Variants in DPP10 observed in about 807,000 individuals in gnomAD.
DPP10 encodes the protein inactive dipeptidyl peptidase 10.
A neutral mutation model predicts 120.9 loss-of-function variants in DPP10; 33 were observed. The observed-to-expected ratio is 0.27, with a 90% confidence interval of 0.21 to 0.37. The LOEUF (loss-of-function observed/expected upper bound fraction) is 0.37. DPP10 is among the 10% of genes least tolerant of loss of function. DPP10 has a pLI of 1.00. For synonymous variants in DPP10, 337 were observed against 326.1 expected, an observed-to-expected ratio of 1.03 and a Z score of -0.36; for missense variants, 816 against 942.8, an observed-to-expected ratio of 0.87 and a Z score of 1.76.
At chr2:114,788,350 A>G (rs990195346) in intron 1 of DPP10, among the ~76,000 whole-genome samples, 2 of 152,132 alleles carry the variant, frequency 1.3e-5, no homozygotes, top group Non-Finnish European at 2.9e-5. Flanking sequence ...CTTGCACACT[A>G]GCCTAGTAAT....
intron 1 of DPP10, among the ~76,000 whole-genome samples, chr2:114,622,500 C>G (rs563950356): frequency 6.6e-6 from 1 of 151,930 alleles, no homozygotes; most frequent in East Asian, 1.9e-4. Context: ...GCACAGAATC[C>G]GTTGCTTTTT....
chr2:114,738,225 G>C (rs986554012), intron 1 of DPP10, among the ~76,000 whole-genome samples: 2 of 152,182 alleles, frequency 1.3e-5, no homozygotes, highest in African/African-American at 2.4e-5. Context: ...AGTTGGACCT[G>C]AGATTTGAGT....
chr2:115,041,495 A>C (rs1704641860), intron 1 of DPP10, among the ~76,000 whole-genome samples: 1 of 152,332 alleles, frequency 6.6e-6, no homozygotes, highest in South Asian at 2.1e-4. Context: ...AGCATAAAGC[A>C]GAGATCTCCA....
intron 1 of DPP10, among the ~76,000 whole-genome samples, chr2:114,480,022 A>AAAC (rs1680877508): frequency 6.6e-6 from 1 of 152,164 alleles, no homozygotes; most frequent in Non-Finnish European, 1.5e-5. Context: ...TTACAAGAAA[A>AAAC]AAACAACTCC....
chr2:115,013,199 A>T (rs1385310459), intron 1 of DPP10, among the ~76,000 whole-genome samples: 1 of 152,130 alleles, frequency 6.6e-6, no homozygotes, highest in African/African-American at 2.4e-5. Flanking sequence ...GGTGGTGACA[A>T]AATCTCTCAC....
At chr2:115,088,100 G>A (rs1708877883) in intron 1 of DPP10, among the ~76,000 whole-genome samples, 1 of 152,136 alleles carries the variant, frequency 6.6e-6, no homozygotes, top group Admixed American at 6.5e-5. Flanking sequence ...CTCACACGGT[G>A]GAAGGAGAGA....
intron 3 of DPP10, among the ~76,000 whole-genome samples, chr2:115,496,941 A>G (rs2076427945): frequency 6.6e-6 from 1 of 152,150 alleles, no homozygotes; most frequent in East Asian, 1.9e-4. Context: ...GGATGCAATT[A>G]TAAAAGTGTG....
chr2:115,249,116 A>G (rs893646610), intron 1 of DPP10, among the ~76,000 whole-genome samples: 2 of 152,114 alleles, frequency 1.3e-5, no homozygotes, highest in Admixed American at 1.3e-4. Flanking sequence ...TTTTCAGAGA[A>G]TAGATAGCTT....
At chr2:114,799,731 A>T (rs925492140) in intron 1 of DPP10, among the ~76,000 whole-genome samples, 1 of 152,200 alleles carries the variant, frequency 6.6e-6, no homozygotes, top group Non-Finnish European at 1.5e-5. Context: ...GGCCCTACTC[A>T]CTTTGAGTTG....
chr2:115,291,658 T>A (rs1400985395), intron 1 of DPP10, among the ~76,000 whole-genome samples: 1 of 152,138 alleles, frequency 6.6e-6, no homozygotes, highest in Non-Finnish European at 1.5e-5. Flanking sequence ...CTAAGCCCAT[T>A]TATCACTAAG....
intron 5 of DPP10, among the ~76,000 whole-genome samples, chr2:115,578,718 A>G (rs562002356): frequency 6.6e-6 from 1 of 152,342 alleles, no homozygotes; most frequent in South Asian, 2.1e-4. Flanking sequence ...TGATTTGGAG[A>G]GAAATCTCCC....
intron 1 of DPP10, among the ~76,000 whole-genome samples, chr2:115,007,487 A>C (rs867457024): frequency 0.017 from 2,539 of 151,744 alleles, 65 homozygotes; most frequent in African/African-American, 0.059. Flanking sequence ...ATGGGCAAAA[A>C]CTGGAAGCAT....
rs139247315 is a variant in DPP10 at position 115,793,859 on chromosome 2, CT to C, written c.1700+2512del. Among the ~76,000 whole-genome samples the C allele has an allele frequency of 6.1e-4, 92 of 151,014 alleles. 1 individual carries two copies. Among genetic ancestry groups the C allele is most frequent in the African/African-American group, 2.1e-3 (85 of 41,236 alleles). On this transcript the variant is annotated intron_variant, in intron 19 of 25. Transcript: ENST00000410059. ...CTTACAAAATCCAAAAGGAGAATTT[CT>C]TTTTTTTTAAATTTATACTTACAAT...
chr2:115,309,452 G>T, intron 2 of DPP10, 99 bp downstream of exon 2: 1 of 1,120,308 alleles, frequency 8.9e-7, no homozygotes, highest in Non-Finnish European at 1.3e-6. Flanking sequence ...GTATCTTAGG[G>T]CACATTAGCA....
At chr2:115,067,568 A>T (rs141922245) in intron 1 of DPP10, among the ~76,000 whole-genome samples, 12,889 of 139,686 alleles carry the variant, frequency 0.092, 816 homozygotes, top group Non-Finnish European at 0.13. Flanking sequence ...TCCTCTTTTT[A>T]AAAAAAGAAA....
At chr2:115,236,828 A>G (rs1294906164) in intron 1 of DPP10, among the ~76,000 whole-genome samples, 1 of 152,152 alleles carries the variant, frequency 6.6e-6, no homozygotes, top group African/African-American at 2.4e-5. Context: ...CATGGAGACT[A>G]AGTAAGTTGG....
chr2:114,721,304 C>T (rs1701693002), intron 1 of DPP10, among the ~76,000 whole-genome samples: 1 of 152,200 alleles, frequency 6.6e-6, no homozygotes, highest in Non-Finnish European at 1.5e-5. Context: ...CCATTGCATC[C>T]TTATAAACAA....
At position 115,117,068 on chromosome 2, in the gene DPP10, G is replaced by C. The variant is rs1220677386; in HGVS notation, c.61-192171G>C. On this transcript the variant is annotated intron_variant, in intron 1 of 25. Transcript: ENST00000410059. ...TGTTCATATCTTATCCCATGAGCTA[G>C]ATGACAAAGTTCTGTGAGAAAAACT... 2.6e-5 allele frequency among the ~76,000 whole-genome samples: 4 copies of C among 152,258 alleles called. No individual in the cohort carries two copies. The East Asian group carries it at 7.7e-4, about 29-fold the overall frequency.
In DPP10 at chr2:114,511,025, C is replaced by T. The variant is rs148872690; in HGVS notation, c.60+68187C>T. ...CGCATTCAGGGATGATGGGTATCCC[C>T]GGATCCTAAGGCCTAGTGAATGGTC... On this transcript the variant is annotated intron_variant, in intron 1 of 25. Coordinates refer to ENST00000410059, the MANE Select transcript of DPP10 (RefSeq NM_020868.6). Among the ~76,000 whole-genome samples, 955 of 152,276 alleles carry T rather than the reference C, an allele frequency of 6.3e-3. 1 individual carries two copies. Among genetic ancestry groups the T allele is most frequent in the Non-Finnish European group, 0.011 (718 of 68,028 alleles).
Sources: gnomAD v4.1 joint callset for allele counts (sites outside exome capture counted in the v4.1 genomes callset) on GRCh38, gnomAD v4.1.1 for gene constraint, MANE v1.5 for transcripts, NCBI Gene and HGNC (gene_info 2026-07-23, HGNC 2026-07-21) for gene names.